ZNF423: variants seen among roughly 807,000 people sequenced by gnomAD.
ZNF423 encodes the protein Ebf-associated zinc finger protein.
Under a neutral mutation model 95.8 loss-of-function variants are expected in ZNF423, and 12 were observed. The observed-to-expected ratio is 0.13, with a 90% CI of 0.08 to 0.20. The LOEUF (loss-of-function observed/expected upper bound fraction) is 0.20. Among genes scored for constraint, ZNF423 ranks in the 10% least tolerant of loss-of-function variants. The pLI is 1.00. For synonymous variants in ZNF423, 749 were observed against 711.9 expected (o/e 1.05, Z -0.83); for missense variants, 1,316 against 1,737.1 (o/e 0.76, Z 4.31).
intron 7 of ZNF423, among the ~76,000 whole-genome samples, chr16:49,491,843 C>A (rs999335410): frequency 4.6e-5 from 7 of 152,196 alleles, no homozygotes; most frequent in Admixed American, 6.5e-5. Context: ...AGGCAGTGGG[C>A]GGCCGTGGTG....
chr16:49,725,676 G>C (rs1327399896), intron 3 of ZNF423, among the ~76,000 whole-genome samples: 3 of 152,208 alleles, frequency 2.0e-5, no homozygotes, highest in Non-Finnish European at 2.9e-5. Flanking sequence ...GAGGGCTGCA[G>C]GGCGTGTGTT....
intron 5 of ZNF423, among the ~76,000 whole-genome samples, chr16:49,615,550 C>T (rs549863170): frequency 6.6e-6 from 1 of 152,158 alleles, no homozygotes; most frequent in Non-Finnish European, 1.5e-5. Flanking sequence ...GCAGGCTAGG[C>T]AGTCCCATGG....
intron 3 of ZNF423, among the ~76,000 whole-genome samples, chr16:49,649,274 T>C (rs748675074): frequency 3.9e-5 from 6 of 152,172 alleles, no homozygotes; most frequent in Non-Finnish European, 5.9e-5. Context: ...TGTGTAACCA[T>C]GGGCAAGCAT....
intron 3 of ZNF423, among the ~76,000 whole-genome samples, chr16:49,655,703 A>G (rs2029869027): frequency 6.6e-6 from 1 of 152,198 alleles, no homozygotes; most frequent in Non-Finnish European, 1.5e-5. Context: ...TCTGTGTGAA[A>G]GAGCCAAGGT....
Position 49,841,766 on chromosome 16 carries a change from G to A in ZNF423, c.40+13969C>T, listed in dbSNP as rs149054835. ...TTCCTGAGGACGTGGCCTCCTCTGCGTTCTCTCTGCATCTTCCTTGGAGCC... is the reference window on the plus strand; with the variant it reads ...TTCCTGAGGACGTGGCCTCCTCTGCATTCTCTCTGCATCTTCCTTGGAGCC... On this transcript the variant is annotated intron_variant, in intron 1 of 7. Transcript: ENST00000563137. Among the ~76,000 whole-genome samples, 41 of 152,318 alleles carry A rather than the reference G, an allele frequency of 2.7e-4. No homozygotes were observed. In the East Asian group the frequency reaches 7.1e-3, roughly 27 times the overall value.
intron 5 of ZNF423, among the ~76,000 whole-genome samples, chr16:49,552,088 T>C (rs1021854404): frequency 2.6e-5 from 4 of 152,358 alleles, no homozygotes; most frequent in South Asian, 4.1e-4. Flanking sequence ...CCAGATGCAA[T>C]TGCCTGGGCA....
chr16:49,601,037 G>A (rs1971354163), intron 5 of ZNF423, among the ~76,000 whole-genome samples: 1 of 152,192 alleles, frequency 6.6e-6, no homozygotes, highest in Non-Finnish European at 1.5e-5. Flanking sequence ...CAACTCCACA[G>A]GAGTCCACAT....
At chr16:49,821,332 T>C (rs2034937612) in intron 1 of ZNF423, among the ~76,000 whole-genome samples, 1 of 152,128 alleles carries the variant, frequency 6.6e-6, no homozygotes, top group African/African-American at 2.4e-5. Flanking sequence ...GGGCTGGCTT[T>C]AGAAGAGAAC....
chr16:49,528,565 A>C (rs947474640), intron 5 of ZNF423, among the ~76,000 whole-genome samples: 1 of 152,062 alleles, frequency 6.6e-6, no homozygotes, highest in Non-Finnish European at 1.5e-5. Flanking sequence ...AAACAAGCAA[A>C]AAGTGAAAGT....
chr16:49,723,772 T>C (rs936015639), intron 3 of ZNF423, among the ~76,000 whole-genome samples: 1 of 152,222 alleles, frequency 6.6e-6, no homozygotes, highest in Non-Finnish European at 1.5e-5. Context: ...AATTTCCTTT[T>C]TGGGGGATGG....
intron 3 of ZNF423, among the ~76,000 whole-genome samples, chr16:49,704,565 T>C (rs1223235035): frequency 6.6e-6 from 1 of 152,158 alleles, no homozygotes; most frequent in Non-Finnish European, 1.5e-5. Context: ...GGAACCAGCA[T>C]AGAGCCTGAT....
intron 2 of ZNF423, among the ~76,000 whole-genome samples, chr16:49,755,965 C>T (rs1052920110): frequency 1.3e-5 from 2 of 152,142 alleles, no homozygotes; most frequent in Non-Finnish European, 2.9e-5. Context: ...TGAAATCTTC[C>T]TACTGGAAAG....
chr16:49,735,907 C>T (rs997793652), intron 2 of ZNF423, among the ~76,000 whole-genome samples: 152 of 152,286 alleles, frequency 1.0e-3, no homozygotes, highest in African/African-American at 3.4e-3. Context: ...GCTCATAGTA[C>T]TGTGAGAAGT....
chr16:49,743,654 C>G (rs1280336911), intron 2 of ZNF423, among the ~76,000 whole-genome samples: 1 of 151,894 alleles, frequency 6.6e-6, no homozygotes, highest in Non-Finnish European at 1.5e-5. Context: ...ACACAGGGGG[C>G]TCAAGGGACT....
chr16:49,493,767 G>C (rs757358455), intron 7 of ZNF423, among the ~76,000 whole-genome samples: 3 of 152,342 alleles, frequency 2.0e-5, no homozygotes, highest in Middle Eastern at 6.8e-3. Flanking sequence ...GGAAAGGGGA[G>C]AGGGCATTCC....
rs9933065 is a variant in ZNF423 at position 49,489,061 on chromosome 16, A to G, written c.*2214T>C. On this transcript the variant is annotated 3_prime_UTR_variant, in exon 8 of 8. Coordinates refer to ENST00000563137, the MANE Select transcript of ZNF423 (RefSeq NM_001379286.1). ...CGCTGCTGATTCCCACATGGCGTGAAAAGCTCTTAAACCCCCCGCTGTATT... is the reference window on the plus strand; with the variant it reads ...CGCTGCTGATTCCCACATGGCGTGAGAAGCTCTTAAACCCCCCGCTGTATT... The G allele has an allele frequency of 0.12, 18,865 of 152,290 alleles. 1,245 individuals carry two copies. Among genetic ancestry groups the G allele is most frequent in the Middle Eastern group, 0.22 (65 of 294 alleles). 9.4% of individuals were successfully genotyped at this position (152,290 alleles called of 1,614,324 possible).
At chr16:49,724,164 T>A (rs1036180209) in intron 3 of ZNF423, among the ~76,000 whole-genome samples, 1 of 152,228 alleles carries the variant, frequency 6.6e-6, no homozygotes, top group Non-Finnish European at 1.5e-5. Context: ...CTGTGTTCCC[T>A]GTCTTCCCCC....
At chr16:49,514,594 C>G (rs912935961) in intron 7 of ZNF423, among the ~76,000 whole-genome samples, 2 of 152,200 alleles carry the variant, frequency 1.3e-5, no homozygotes, top group African/African-American at 4.8e-5. Context: ...GAGCCCGGCT[C>G]ACCCTATCGA....
intron 1 of ZNF423, among the ~76,000 whole-genome samples, chr16:49,848,495 C>T (rs2035268589): frequency 6.6e-6 from 1 of 151,892 alleles, no homozygotes; most frequent in Non-Finnish European, 1.5e-5. Flanking sequence ...TCGAGAAGCA[C>T]AAGCATAACC....
Sources: allele counts gnomAD v4.1 joint callset (sites outside exome capture counted in the v4.1 genomes callset), GRCh38; gene constraint gnomAD v4.1.1; transcripts MANE v1.5; gene names NCBI Gene and HGNC (gene_info 2026-07-23, HGNC 2026-07-21).